PTPRR: variants seen among roughly 807,000 people sequenced by gnomAD.
PTPRR encodes the protein receptor-type tyrosine-protein phosphatase R.
In PTPRR, 38 loss-of-function variants were observed where a neutral mutation model predicts 77.2. The observed-to-expected ratio is 0.49, with a 90% CI of 0.38 to 0.65. The LOEUF is 0.65. Ranked by LOEUF, PTPRR falls within the 30% of genes least tolerant of loss-of-function variation. The pLI is 0.00. For synonymous variants in PTPRR, 299 were observed against 283.1 expected (o/e 1.06, Z -0.57); for missense variants, 744 against 799.2 (o/e 0.93, Z 0.83).
At chr12:70,669,402 T>C (rs188558172) in intron 10 of PTPRR, among the ~76,000 whole-genome samples, 49 of 151,978 alleles carry the variant, frequency 3.2e-4, no homozygotes, top group African/African-American at 1.2e-3. Context: ...TTTCTACTGC[T>C]GGAACACTTA....
chr12:70,889,194 G>C (rs770368109), intron 2 of PTPRR, among the ~76,000 whole-genome samples: 1 of 152,022 alleles, frequency 6.6e-6, no homozygotes, highest in Non-Finnish European at 1.5e-5. Context: ...CCCATCCTTC[G>C]GGTAATCCAC....
chr12:70,872,873 T>C (rs893744754), intron 2 of PTPRR, among the ~76,000 whole-genome samples: 7 of 152,160 alleles, frequency 4.6e-5, no homozygotes, highest in Non-Finnish European at 8.8e-5. Context: ...ATGTCTGATG[T>C]TCCTACTAGA....
At chr12:70,740,534 G>C (rs1296846350) in intron 6 of PTPRR, among the ~76,000 whole-genome samples, 5 of 152,050 alleles carry the variant, frequency 3.3e-5, no homozygotes, top group Admixed American at 1.3e-4. Context: ...CACCATGCCT[G>C]GCTAATATGT....
At chr12:70,658,797 A>T (rs910999320) in intron 12 of PTPRR, among the ~76,000 whole-genome samples, 2 of 150,134 alleles carry the variant, frequency 1.3e-5, no homozygotes, top group African/African-American at 4.9e-5. Context: ...ATAAGTTTAC[A>T]TACTCAAATG....
At chr12:70,918,571 AT>A (rs1380664478) in intron 1 of PTPRR, among the ~76,000 whole-genome samples, 1 of 152,040 alleles carries the variant, frequency 6.6e-6, no homozygotes, top group Admixed American at 6.6e-5. Flanking sequence ...AAAAGTCCTC[AT>A]TTTTCTCATC....
intron 2 of PTPRR, among the ~76,000 whole-genome samples, chr12:70,811,043 C>T (rs1251559804): frequency 6.6e-6 from 1 of 151,972 alleles, no homozygotes; most frequent in East Asian, 1.9e-4. Context: ...TTCTCGGAGA[C>T]AGTGAGGACC....
At chr12:70,882,973 C>T (rs1893174335) in intron 2 of PTPRR, among the ~76,000 whole-genome samples, 1 of 152,068 alleles carries the variant, frequency 6.6e-6, no homozygotes, top group South Asian at 2.1e-4. Context: ...TTAATCCTCC[C>T]ATTTAAAAGA....
At chr12:70,820,764 A>G (rs1891993502) in intron 2 of PTPRR, among the ~76,000 whole-genome samples, 1 of 152,176 alleles carries the variant, frequency 6.6e-6, no homozygotes, top group South Asian at 2.1e-4. Flanking sequence ...TTTTCTGATC[A>G]AGTTCCTCAT....
intron 10 of PTPRR, among the ~76,000 whole-genome samples, chr12:70,667,072 C>T (rs902813152): frequency 6.6e-6 from 1 of 150,640 alleles, no homozygotes; most frequent in African/African-American, 2.4e-5. Flanking sequence ...TCTCCTGCCT[C>T]AGCCTCCCGA....
intron 13 of PTPRR, among the ~76,000 whole-genome samples, chr12:70,644,398 T>C (rs965154924): frequency 1.8e-4 from 27 of 152,292 alleles, no homozygotes; most frequent in African/African-American, 6.5e-4. Flanking sequence ...TGGTGCCAAG[T>C]TCATTACCAG....
intron 1 of PTPRR, among the ~76,000 whole-genome samples, chr12:70,896,518 G>A (rs1344445281): frequency 2.0e-5 from 3 of 151,146 alleles, no homozygotes; most frequent in Non-Finnish European, 4.4e-5. Context: ...AATTATACAA[G>A]GTATACTCTT....
At chr12:70,647,650 T>C (rs1277732712) in intron 13 of PTPRR, among the ~76,000 whole-genome samples, 1 of 152,226 alleles carries the variant, frequency 6.6e-6, no homozygotes, top group Non-Finnish European at 1.5e-5. Flanking sequence ...TTGAACAATT[T>C]AGTGATATTT....
In PTPRR at chr12:70,745,967, G is replaced by T. The variant is rs751295693; in HGVS notation, c.858C>A (p.Val286=). 4 of 1,614,118 alleles carry T rather than the reference G, an allele frequency of 2.5e-6. No homozygotes were observed. The South Asian group carries it at 3.3e-5, about 13-fold the overall frequency. Residue 286 remains valine (V), a synonymous_variant, in exon 6 of 14, where the codon GTC becomes GTA. Transcript: ENST00000283228. ...LQPALSEAKT[V]HSMVQPEQAP... The stretch of plus-strand genomic sequence containing the variant: ...CCTGCTCAGGTTGGACCATGCTGTG[G>T]ACTGTCTTTGCCTCGGACAGTGCTG...
At chr12:70,641,060 A>C (rs1006417749) in intron 13 of PTPRR, among the ~76,000 whole-genome samples, 1 of 152,174 alleles carries the variant, frequency 6.6e-6, no homozygotes, top group African/African-American at 2.4e-5. Flanking sequence ...AGAATGTGGT[A>C]ATGGTTTATC....
chr12:70,901,007 A>T (rs1215808034), intron 1 of PTPRR, among the ~76,000 whole-genome samples: 1 of 151,538 alleles, frequency 6.6e-6, no homozygotes, highest in Non-Finnish European at 1.5e-5. Context: ...GGATTTCAGA[A>T]TATTTGCAGA....
At chr12:70,819,837 T>C (rs537572175) in intron 2 of PTPRR, among the ~76,000 whole-genome samples, 25 of 152,194 alleles carry the variant, frequency 1.6e-4, no homozygotes, top group African/African-American at 5.6e-4. Context: ...TATAAATGTG[T>C]ACACTTTCTA....
Position 70,919,673 on chromosome 12 carries a change from GT to G in PTPRR, c.58+659del, listed in dbSNP as rs58439089. ...GGTTGTCAGCTTTGGAACTGTAATT[GT>G]TTTTTTTTTTTTTTTTTTTTTTTTT... On this transcript the variant is annotated intron_variant, in intron 1 of 13. Transcript: ENST00000283228. Among the ~76,000 whole-genome samples, 74 of 110,052 alleles carry G rather than the reference GT, an allele frequency of 6.7e-4. 1 individual carries two copies. The highest frequency in any genetic ancestry group is 1.1e-3 in the Non-Finnish European group (56 of 52,338). 72.2% of individuals were successfully genotyped at this position (110,052 alleles called of 152,430 possible).
chr12:70,857,423 TA>T (rs1333647939), intron 2 of PTPRR, among the ~76,000 whole-genome samples: 1 of 152,130 alleles, frequency 6.6e-6, no homozygotes, highest in African/African-American at 2.4e-5. Flanking sequence ...ATCCATACTG[TA>T]GTGGATTAAT....
At chr12:70,744,283 G>A (rs545025902) in intron 6 of PTPRR, among the ~76,000 whole-genome samples, 1 of 152,292 alleles carries the variant, frequency 6.6e-6, no homozygotes, top group South Asian at 2.1e-4. Context: ...CTGACTCCCA[G>A]TTAGCCTTAG....
Sources: allele counts gnomAD v4.1 joint callset (sites outside exome capture counted in the v4.1 genomes callset), GRCh38; gene constraint gnomAD v4.1.1; transcripts MANE v1.5; gene names NCBI Gene and HGNC (gene_info 2026-07-23, HGNC 2026-07-21).